RAB11A: variants seen among roughly 807,000 people sequenced by gnomAD.
RAB11A encodes the protein RAB11A, member RAS oncogene family.
In RAB11A, 9 loss-of-function variants were observed where a neutral mutation model predicts 28.0. The ratio of observed to expected loss-of-function variants is 0.32; its 90% CI spans 0.19 to 0.56. RAB11A has a LOEUF of 0.56. Among genes scored for constraint, RAB11A ranks in the 20% least tolerant of loss-of-function variants. RAB11A has a pLI of 0.91. For missense variants in RAB11A, 108 were observed against 269.6 expected, an observed-to-expected ratio of 0.40 and a Z score of 4.20; for synonymous variants, 85 against 88.2, an observed-to-expected ratio of 0.96 and a Z score of 0.20.
At chr15:65,886,684 T>C (rs777468477) in intron 4 of RAB11A, among the ~76,000 whole-genome samples, 9 of 152,172 alleles carry the variant, frequency 5.9e-5, no homozygotes, top group South Asian at 2.1e-4. Flanking sequence ...CAGATACTTA[T>C]TGTGGAGGAA....
At chr15:65,873,677 C>T (rs1018655041) in intron 1 of RAB11A, among the ~76,000 whole-genome samples, 1 of 152,012 alleles carries the variant, frequency 6.6e-6, no homozygotes, top group East Asian at 1.9e-4. Context: ...CCTCAGCCTC[C>T]CAAGTAGCTG....
intron 1 of RAB11A, among the ~76,000 whole-genome samples, chr15:65,870,702 C>A (rs1343655055): frequency 6.6e-6 from 1 of 152,180 alleles, no homozygotes; most frequent in Non-Finnish European, 1.5e-5. Flanking sequence ...TAGCCACATA[C>A]CTTTCCCAAA....
intron 1 of RAB11A, among the ~76,000 whole-genome samples, chr15:65,873,278 T>C (rs1277710150): frequency 6.6e-6 from 1 of 152,228 alleles, no homozygotes; most frequent in Non-Finnish European, 1.5e-5. Flanking sequence ...TTACAAATAT[T>C]GTGTGGTAGA....
intron 1 of RAB11A, among the ~76,000 whole-genome samples, chr15:65,876,140 C>T (rs2078190106): frequency 6.6e-6 from 1 of 152,050 alleles, no homozygotes; most frequent in African/African-American, 2.4e-5. Context: ...AAGCGTAATA[C>T]CACTTTGAGT....
rs2078198142 is a variant in RAB11A, at chr15:65,877,684, T to TGATCCATATTTTGAGTTCCATATTTTGA, written c.237-60_237-59insCATATTTTGAGATCCATATTTTGAGTTC. 3 of 1,367,652 alleles carry TGATCCATATTTTGAGTTCCATATTTTGA rather than the reference T, an allele frequency of 2.2e-6. No individual in the cohort carries two copies. In the Admixed American group the frequency reaches 6.9e-5, roughly 31 times the overall value. The allele number at this position is 1,367,652 out of a possible 1,614,324, so 84.7% of individuals were successfully genotyped here. On this transcript the variant is annotated intron_variant, in intron 2 of 4. Coordinates refer to ENST00000261890, the MANE Select transcript of RAB11A (RefSeq NM_004663.5). This position sits in a 1 kb window ranked among gnomAD's most constrained non-coding sequence, Gnocchi z 4.1. ...TTTATAAGTATGTTTTTAAAACTCA[T>TGATCCATATTTTGAGTTCCATATTTTGA]GATCCATATTTTGAGTTCTTCCTGG...
intron 1 of RAB11A, chr15:65,869,866 T>C: frequency 2.7e-6 from 1 of 368,728 alleles, no homozygotes; most frequent in Non-Finnish European, 4.8e-6. Flanking sequence ...AGCCCCTCCC[T>C]GCGTGTCCTT....
intron 4 of RAB11A, among the ~76,000 whole-genome samples, chr15:65,884,726 A>G (rs1433712509): frequency 1.3e-5 from 2 of 151,622 alleles, no homozygotes; most frequent in Non-Finnish European, 2.9e-5. Flanking sequence ...AGTAATTTAC[A>G]TACTTAAGTC....
rs2078269904 is a variant in RAB11A, at chr15:65,888,898, A to G, written c.*1058A>G. ...ACAGTGAGAGGTTAATTTCTGCTCA[A>G]GTGGTACCACTTAAAGGCATGTATT... is the stretch of plus-strand genomic sequence containing the variant. On this transcript the variant is annotated 3_prime_UTR_variant, in exon 5 of 5. Transcript: ENST00000261890. 1 of 152,624 alleles carries G rather than the reference A, an allele frequency of 6.6e-6. No individual in the cohort carries two copies. Among genetic ancestry groups the G allele is most frequent in the African/African-American group, 2.4e-5 (1 of 41,458 alleles). The allele number at this position is 152,624 out of a possible 1,614,324, so 9.5% of individuals were successfully genotyped here.
At chr15:65,883,530 T>C (rs977035048) in intron 4 of RAB11A, among the ~76,000 whole-genome samples, 1 of 152,238 alleles carries the variant, frequency 6.6e-6, no homozygotes, top group Non-Finnish European at 1.5e-5. Flanking sequence ...TTGGTTAAGG[T>C]GATGTCTGCT....
chr15:65,885,032 C>A (rs1333377288), intron 4 of RAB11A, among the ~76,000 whole-genome samples: 1 of 147,672 alleles, frequency 6.8e-6, no homozygotes, highest in Non-Finnish European at 1.5e-5. Context: ...GCAGTCTCAA[C>A]CTCACTGCTC....
intron 3 of RAB11A, among the ~76,000 whole-genome samples, chr15:65,878,394 A>G (rs1184164518): frequency 6.6e-6 from 1 of 152,186 alleles, no homozygotes; most frequent in South Asian, 2.1e-4. Flanking sequence ...GGCTAGTGAA[A>G]GTCTTGCGGC....
chr15:65,885,448 C>T (rs1459119227), intron 4 of RAB11A, among the ~76,000 whole-genome samples: 2 of 152,094 alleles, frequency 1.3e-5, no homozygotes, highest in Non-Finnish European at 2.9e-5. Context: ...TTTTAATGTG[C>T]AATCCATATT....
At chr15:65,874,508 T>C (rs1421068656) in intron 1 of RAB11A, among the ~76,000 whole-genome samples, 1 of 152,164 alleles carries the variant, frequency 6.6e-6, no homozygotes, top group Admixed American at 6.5e-5. Context: ...TCCAAAGTGC[T>C]GGGATTACAG....
intron 4 of RAB11A, 59 bp from the exon 5 acceptor site, chr15:65,887,642 T>C: frequency 2.0e-6 from 3 of 1,477,460 alleles, no homozygotes. Context: ...TATGTATCTT[T>C]TATCCTAACT....
intron 4 of RAB11A, among the ~76,000 whole-genome samples, chr15:65,882,280 A>G (rs897739359): frequency 8.5e-5 from 13 of 152,222 alleles, no homozygotes; most frequent in Admixed American, 7.9e-4. Flanking sequence ...GTTGTTCTGC[A>G]GGTGTTAGGA....
At chr15:65,876,418 C>G (rs1204289965) in intron 1 of RAB11A, among the ~76,000 whole-genome samples, 1 of 151,872 alleles carries the variant, frequency 6.6e-6, no homozygotes, top group African/African-American at 2.4e-5. Flanking sequence ...TGCCTCAGGC[C>G]CACAAGTAGT....
chr15:65,880,631 G>T (rs2078216276), intron 4 of RAB11A, among the ~76,000 whole-genome samples: 1 of 152,080 alleles, frequency 6.6e-6, no homozygotes, highest in Non-Finnish European at 1.5e-5. Context: ...GAGATTAACA[G>T]ATTTTAACTT....
At chr15:65,870,326 A>G (rs1012320218) in intron 1 of RAB11A, among the ~76,000 whole-genome samples, 1 of 151,944 alleles carries the variant, frequency 6.6e-6, no homozygotes, top group Non-Finnish European at 1.5e-5. Context: ...TCCCTCCCCA[A>G]ATCGTGTTTA....
At chr15:65,885,216 C>T (rs1053837675) in intron 4 of RAB11A, among the ~76,000 whole-genome samples, 12 of 151,116 alleles carry the variant, frequency 7.9e-5, no homozygotes, top group Non-Finnish European at 1.2e-4. Context: ...ACCTCCCCTC[C>T]GGGACAAGCG....
Sources: allele counts gnomAD v4.1 joint callset (sites outside exome capture counted in the v4.1 genomes callset), GRCh38; gene constraint gnomAD v4.1.1; non-coding constraint Gnocchi (gnomAD v3.1); transcripts MANE v1.5; gene names NCBI Gene and HGNC (gene_info 2026-07-23, HGNC 2026-07-21).